Variants in FMN1 observed in about 807,000 individuals in gnomAD.
FMN1 encodes the protein formin-1.
Under a neutral mutation model 132.4 loss-of-function variants are expected in FMN1, and 110 were observed. That is an observed-to-expected ratio of 0.83 (90% CI 0.71 to 0.97). The LOEUF is 0.97. FMN1 is among the 50% of genes least tolerant of loss of function. The pLI is 0.00. For synonymous variants in FMN1, 722 were observed against 651.7 expected, an observed-to-expected ratio of 1.11 and a Z score of -1.64; for missense variants, 1,792 against 1,705.3, an observed-to-expected ratio of 1.05 and a Z score of -0.90.
intron 4 of FMN1, among the ~76,000 whole-genome samples, chr15:33,112,919 G>A (rs2039767447): frequency 6.6e-6 from 1 of 152,142 alleles, no homozygotes; most frequent in South Asian, 2.1e-4. Flanking sequence ...AGCTGCCCTA[G>A]GCAGTCCTGG....
At chr15:33,176,633 T>G (rs972787538) in intron 3 of FMN1, among the ~76,000 whole-genome samples, 1 of 152,184 alleles carries the variant, frequency 6.6e-6, no homozygotes, top group African/African-American at 2.4e-5. Flanking sequence ...ATATTTCCTT[T>G]CTTCTCACTT....
chr15:32,980,896 C>G (rs892120571), intron 7 of FMN1, among the ~76,000 whole-genome samples: 13 of 152,102 alleles, frequency 8.5e-5, no homozygotes, highest in African/African-American at 3.1e-4. Context: ...TGCTTGTAAC[C>G]CCAGCTACCC....
intron 10 of FMN1, among the ~76,000 whole-genome samples, chr15:32,918,425 C>CAG (rs1178834942): frequency 6.6e-5 from 10 of 152,172 alleles, no homozygotes; most frequent in African/African-American, 1.9e-4. Flanking sequence ...ATAAAACACA[C>CAG]AGTGAACAGG....
intron 5 of FMN1, among the ~76,000 whole-genome samples, chr15:33,081,513 C>A (rs1462961770): frequency 2.0e-5 from 3 of 152,054 alleles, no homozygotes; most frequent in African/African-American, 7.2e-5. Context: ...TGGATGAGTT[C>A]TGTGTTGTAA....
intron 9 of FMN1, among the ~76,000 whole-genome samples, chr15:32,933,441 A>G (rs2061174314): frequency 6.6e-6 from 1 of 152,146 alleles, no homozygotes; most frequent in Admixed American, 6.5e-5. Flanking sequence ...ATGTGTTTCA[A>G]AACCCAATTC....
chr15:33,034,093 G>T (rs2036078170), intron 6 of FMN1, among the ~76,000 whole-genome samples: 1 of 152,044 alleles, frequency 6.6e-6, no homozygotes, highest in South Asian at 2.1e-4. Flanking sequence ...ATGTACAAAT[G>T]ACTCCCCAAT....
intron 3 of FMN1, among the ~76,000 whole-genome samples, chr15:33,162,050 C>T (rs1964917901): frequency 6.6e-6 from 1 of 151,928 alleles, no homozygotes; most frequent in South Asian, 2.1e-4. Context: ...CTCGCTCTGT[C>T]ACCCACGCTG....
intron 4 of FMN1, among the ~76,000 whole-genome samples, chr15:33,109,794 C>T (rs1301328425): frequency 6.6e-6 from 1 of 151,126 alleles, no homozygotes; most frequent in African/African-American, 2.4e-5. Context: ...ACACGTTTAC[C>T]TATGTAACAA....
At position 32,804,513 on chromosome 15, in the gene FMN1, C is replaced by CTT. The variant is rs754779401; in HGVS notation, c.3929-183_3929-182dup. Among the ~76,000 whole-genome samples the CTT allele has an allele frequency of 0.12, 15,021 of 123,576 alleles. 1,001 individuals carry two copies. The highest frequency in any genetic ancestry group is 0.17 in the Non-Finnish European group (10,235 of 61,156). 81.1% of individuals were successfully genotyped at this position (123,576 alleles called of 152,430 possible). On this transcript the variant is annotated intron_variant, in intron 17 of 20. Coordinates refer to ENST00000616417, the MANE Select transcript of FMN1 (RefSeq NM_001277313.2). ...CAATTTGCTTTATTTGCTACCACTGCTTTTTTTTTTTTTAAATTATACTAA... is the reference window on the plus strand; with the variant it reads ...CAATTTGCTTTATTTGCTACCACTGCTTTTTTTTTTTTTTTAAATTATACTAA...
intron 4 of FMN1, among the ~76,000 whole-genome samples, chr15:33,123,676 T>C (rs1962779788): frequency 6.6e-6 from 1 of 152,182 alleles, no homozygotes; most frequent in African/African-American, 2.4e-5. Context: ...CAGATTAAGT[T>C]TTCCAAGACA....
At chr15:33,130,306 C>A (rs1253352971) in intron 4 of FMN1, among the ~76,000 whole-genome samples, 2 of 152,062 alleles carry the variant, frequency 1.3e-5, no homozygotes, top group African/African-American at 4.8e-5. Flanking sequence ...AAATATTGCC[C>A]TACATGTATA....
intron 5 of FMN1, among the ~76,000 whole-genome samples, chr15:33,078,888 G>GT (rs2038335101): frequency 6.6e-6 from 1 of 152,168 alleles, no homozygotes; most frequent in Non-Finnish European, 1.5e-5. Flanking sequence ...AAGATACCAT[G>GT]TGAGGCTCAC....
intron 4 of FMN1, among the ~76,000 whole-genome samples, chr15:33,124,109 T>C (rs1240988034): frequency 6.6e-6 from 1 of 152,194 alleles, no homozygotes; most frequent in Non-Finnish European, 1.5e-5. Context: ...ACGTGAATTA[T>C]CATTCAGTCC....
intron 19 of FMN1, among the ~76,000 whole-genome samples, chr15:32,798,178 GCACACA>G (rs59587193): frequency 2.7e-5 from 4 of 147,100 alleles, no homozygotes; most frequent in African/African-American, 1.0e-4. Context: ...TAAGGAAAAC[GCACACA>G]CACACACACA....
chr15:33,045,515 G>A lies in FMN1; in HGVS notation c.2161+19442C>T, dbSNP rs538226285. Among the ~76,000 whole-genome samples the A allele has an allele frequency of 6.6e-5, 10 of 152,350 alleles. 1 individual carries two copies. The highest frequency in any genetic ancestry group is 9.6e-5 in the African/African-American group (4 of 41,586). On this transcript the variant is annotated intron_variant, in intron 6 of 20. Coordinates refer to ENST00000616417, the MANE Select transcript of FMN1 (RefSeq NM_001277313.2). ...TCTCTCAGAGGGGCTGGGGATTGCA[G>A]TAAGTTGCCTCTTGGATTTCAGAGC...
At chr15:32,940,827 C>T (rs2061385935) in intron 9 of FMN1, among the ~76,000 whole-genome samples, 1 of 152,108 alleles carries the variant, frequency 6.6e-6, no homozygotes, top group Non-Finnish European at 1.5e-5. Context: ...TCTTCATGGC[C>T]ACTAGGGTAA....
intron 7 of FMN1, among the ~76,000 whole-genome samples, chr15:32,973,066 A>G (rs1230289084): frequency 2.0e-5 from 3 of 152,232 alleles, no homozygotes; most frequent in African/African-American, 7.2e-5. Context: ...GGACAAAGGC[A>G]ATGAGCATTT....
intron 4 of FMN1, among the ~76,000 whole-genome samples, chr15:33,147,657 T>G (rs1452248072): frequency 6.6e-6 from 1 of 152,224 alleles, no homozygotes; most frequent in Non-Finnish European, 1.5e-5. Context: ...AACATCAGAT[T>G]CTGGCCATGG....
intron 6 of FMN1, among the ~76,000 whole-genome samples, chr15:33,051,363 A>C (rs1028957918): frequency 1.3e-5 from 2 of 152,226 alleles, no homozygotes; most frequent in African/African-American, 4.8e-5. Flanking sequence ...ACTGGAAGTC[A>C]GAAGACCAAC....
Sources: gnomAD v4.1 joint callset for allele counts (sites outside exome capture counted in the v4.1 genomes callset) on GRCh38, gnomAD v4.1.1 for gene constraint, MANE v1.5 for transcripts, NCBI Gene and HGNC (gene_info 2026-07-23, HGNC 2026-07-21) for gene names.